Variants in AGAP1 observed in about 807,000 individuals in gnomAD.
The protein encoded by AGAP1 is ArfGAP with GTPase domain, ankyrin repeat and PH domain 1.
A neutral mutation model predicts 105.3 loss-of-function variants in AGAP1; 29 were observed. The observed-to-expected ratio is 0.28, with a 90% CI of 0.21 to 0.38. AGAP1 has a LOEUF of 0.38. AGAP1 is among the 10% of genes least tolerant of loss of function. The pLI, the probability that AGAP1 is intolerant of heterozygous loss-of-function variation, is 1.00. For synonymous variants in AGAP1, 509 were observed against 485.9 expected (o/e 1.05, Z -0.63); for missense variants, 998 against 1,165.1 (o/e 0.86, Z 2.09).
rs1356564237 is a variant in AGAP1, at chr2:235,517,565, T to C, written c.163+22716T>C. Among the ~76,000 whole-genome samples, 2 of 152,080 alleles carry C rather than the reference T, an allele frequency of 1.3e-5. No individual in the cohort carries two copies. The highest frequency in any genetic ancestry group is 4.8e-5 in the African/African-American group (2 of 41,406). On this transcript the variant is annotated intron_variant, in intron 1 of 17. Transcript: ENST00000304032. The surrounding 1 kb of genome is among the most constrained non-coding windows in gnomAD (Gnocchi z 4.1). ...AGATCCTCTTTACTTTGTAAAAAAA[T>C]GTAAAAGAACTTGTTTAGATCAAAG...
At chr2:235,641,188 A>C (rs1947177171) in intron 1 of AGAP1, among the ~76,000 whole-genome samples, 1 of 152,222 alleles carries the variant, frequency 6.6e-6, no homozygotes, top group Non-Finnish European at 1.5e-5. Context: ...TATCTGAAAC[A>C]ATGCATAATG....
intron 6 of AGAP1, among the ~76,000 whole-genome samples, chr2:235,759,439 G>A (rs1398443213): frequency 3.9e-5 from 6 of 152,206 alleles, no homozygotes; most frequent in South Asian, 2.1e-4. Flanking sequence ...AAAGTGCTGG[G>A]ATTACAGGCG....
intron 15 of AGAP1, among the ~76,000 whole-genome samples, chr2:236,041,678 C>A (rs2125682670): frequency 6.6e-6 from 1 of 152,288 alleles, no homozygotes; most frequent in South Asian, 2.1e-4. Flanking sequence ...GAAGGAAGTT[C>A]AGTTCAAACA....
intron 16 of AGAP1, among the ~76,000 whole-genome samples, chr2:236,060,749 G>A (rs185624277): frequency 4.5e-4 from 68 of 152,084 alleles, no homozygotes; most frequent in African/African-American, 1.6e-3. Context: ...AACAATAGAA[G>A]GTAGATTGTC....
In AGAP1 at chr2:235,715,868, C is replaced by T. The variant is rs531673218; in HGVS notation, c.223-1689C>T. On this transcript the variant is annotated intron_variant, in intron 2 of 17. Transcript: ENST00000304032. ...TCGGGGATGGCCTCCAGCTTTCTGGCTTGAGAGGCTGGGTGTGATGTGGCC... is the reference window on the plus strand; with the variant it reads ...TCGGGGATGGCCTCCAGCTTTCTGGTTTGAGAGGCTGGGTGTGATGTGGCC... 1.5e-3 allele frequency among the ~76,000 whole-genome samples: 225 copies of T among 152,216 alleles called. 1 individual carries two copies. Among genetic ancestry groups the T allele is most frequent in the African/African-American group, 4.8e-3 (198 of 41,542 alleles).
At chr2:236,019,319 G>T (rs2125593113) in intron 13 of AGAP1, among the ~76,000 whole-genome samples, 1 of 152,286 alleles carries the variant, frequency 6.6e-6, no homozygotes, top group East Asian at 1.9e-4. Context: ...GTCAGTCTAG[G>T]AGGCTGCACA....
chr2:235,862,328 A>T (rs1255088700), intron 9 of AGAP1, among the ~76,000 whole-genome samples: 2 of 152,248 alleles, frequency 1.3e-5, no homozygotes, highest in Admixed American at 6.5e-5. Context: ...TAGCAGTGGT[A>T]GCGGTCCTTG....
Position 235,792,155 on chromosome 2 carries a change from A to G in AGAP1, c.674-5604A>G, listed in dbSNP as rs1303673940. Among the ~76,000 whole-genome samples the G allele has an allele frequency of 6.6e-6, 1 of 152,078 alleles. No homozygotes were observed. Among genetic ancestry groups the G allele is most frequent in the Non-Finnish European group, 1.5e-5 (1 of 68,030 alleles). ...CTCCAGCTTTCCCAGTAGCAGAGGA[A>G]CCCTCTTCCCAAACGTGGGCTTGAT... On this transcript the variant is annotated intron_variant, in intron 6 of 17. Coordinates refer to ENST00000304032, the MANE Select transcript of AGAP1 (RefSeq NM_001037131.3). This position sits in a 1 kb window ranked among gnomAD's most constrained non-coding sequence, Gnocchi z 5.3.
intron 13 of AGAP1, among the ~76,000 whole-genome samples, chr2:236,021,532 TAACA>T (rs1352231547): frequency 3.3e-5 from 5 of 152,092 alleles, no homozygotes; most frequent in African/African-American, 1.2e-4. Context: ...TCAGGATGAG[TAACA>T]AACAGTTACC....
rs1052851059 is a variant in AGAP1, at chr2:235,719,593, A to G, written c.310+1949A>G. On this transcript the variant is annotated intron_variant, in intron 3 of 17. Coordinates refer to ENST00000304032, the MANE Select transcript of AGAP1 (RefSeq NM_001037131.3). The surrounding 1 kb of genome is among the most constrained non-coding windows in gnomAD (Gnocchi z 4.9). Reference sequence around the variant, plus strand: ...TATTGTGTATGGTTTTTAAAAATACATTATTTTTAAGAGTAGGAGCGTGGG... The same window carrying G: ...TATTGTGTATGGTTTTTAAAAATACGTTATTTTTAAGAGTAGGAGCGTGGG... 1.2e-4 allele frequency among the ~76,000 whole-genome samples: 19 copies of G among 152,254 alleles called. No individual in the cohort carries two copies. The highest frequency in any genetic ancestry group is 4.6e-4 in the African/African-American group (19 of 41,474).
rs2059032451 is a variant in AGAP1, at chr2:236,090,569, T to C, written c.2115-29623T>C. On this transcript the variant is annotated intron_variant, in intron 16 of 17. Coordinates refer to ENST00000304032, the MANE Select transcript of AGAP1 (RefSeq NM_001037131.3). This position sits in a 1 kb window ranked among gnomAD's most constrained non-coding sequence, Gnocchi z 4.3. ...GAGAGGCGGGGGTCGGAGGGAGGCC[T>C]TCCTCCTGCAGCGTGTTTCCAGTTG... Among the ~76,000 whole-genome samples, 1 of 152,134 alleles carries C rather than the reference T, an allele frequency of 6.6e-6. No individual in the cohort carries two copies. Among genetic ancestry groups the C allele is most frequent in the Non-Finnish European group, 1.5e-5 (1 of 68,028 alleles).
rs773578859 is a variant in AGAP1 at position 235,750,487 on chromosome 2, C to T, written c.672C>T (p.Asp224=). The part of the protein sequence containing the change: ...YGLNVERVFQ[D]VAQKIVATRK... Reference sequence around the variant, plus strand: ...TGAATGTGGAGAGGGTCTTCCAGGACGGTAAATGCGCGTGGCTGGGAGTTT... The same window carrying T: ...TGAATGTGGAGAGGGTCTTCCAGGATGGTAAATGCGCGTGGCTGGGAGTTT... Residue 224 remains aspartate, a splice_region_variant and synonymous_variant, in exon 6 of 18, where the codon GAC becomes GAT. Transcript: ENST00000304032. The surrounding 1 kb of genome is among the most constrained non-coding windows in gnomAD (Gnocchi z 5.3). 8 of 1,613,972 alleles carry T rather than the reference C, an allele frequency of 5.0e-6. No homozygotes were observed. Among genetic ancestry groups the T allele is most frequent in the African/African-American group, 2.7e-5 (2 of 74,912 alleles).
chr2:235,760,923 C>T (rs756590090), intron 6 of AGAP1, among the ~76,000 whole-genome samples: 18 of 152,178 alleles, frequency 1.2e-4, no homozygotes, highest in African/African-American at 2.2e-4. Flanking sequence ...CTCAGTCTAT[C>T]GCTTGATTTG....
At chr2:235,543,097 T>TCCCC (rs1165093900) in intron 1 of AGAP1, among the ~76,000 whole-genome samples, 7 of 66,670 alleles carry the variant, frequency 1.0e-4, no homozygotes, top group Admixed American at 3.6e-4. Flanking sequence ...CTCCTCCCCC[T>TCCCC]CCCCCCCCCC....
At chr2:235,624,353 C>G (rs541155835) in intron 1 of AGAP1, among the ~76,000 whole-genome samples, 37 of 152,300 alleles carry the variant, frequency 2.4e-4, no homozygotes, top group Admixed American at 7.2e-4. Context: ...ATCTGGATCT[C>G]TTTCCTCCGC....
chr2:235,957,275 G>A lies in AGAP1; in HGVS notation c.1484-11187G>A, dbSNP rs1325893566. Among the ~76,000 whole-genome samples, 1 of 152,206 alleles carries A rather than the reference G, an allele frequency of 6.6e-6. No homozygotes were observed. Among genetic ancestry groups the A allele is most frequent in the Non-Finnish European group, 1.5e-5 (1 of 68,038 alleles). Reference sequence around the variant, plus strand: ...TCCTACTGACTAGGCTTAATTTAGAGAGATCTCTGGGCGTAATTGAAAATG... The same window carrying A: ...TCCTACTGACTAGGCTTAATTTAGAAAGATCTCTGGGCGTAATTGAAAATG... On this transcript the variant is annotated intron_variant, in intron 12 of 17. Transcript: ENST00000304032. This position sits in a 1 kb window ranked among gnomAD's most constrained non-coding sequence, Gnocchi z 4.6.
intron 16 of AGAP1, among the ~76,000 whole-genome samples, chr2:236,099,369 G>C (rs1482157506): frequency 6.6e-6 from 1 of 151,588 alleles, no homozygotes; most frequent in Admixed American, 6.6e-5. Context: ...GCAGGAGAAT[G>C]GCATGAACCC....
rs1339757364 is a variant in AGAP1 at position 236,017,396 on chromosome 2, T to C, written c.1646-19165T>C. Among the ~76,000 whole-genome samples the C allele has an allele frequency of 3.9e-5, 6 of 152,218 alleles. No homozygotes were observed. In the South Asian group the frequency reaches 8.3e-4, roughly 21 times the overall value. On this transcript the variant is annotated intron_variant, in intron 13 of 17. Coordinates refer to ENST00000304032, the MANE Select transcript of AGAP1 (RefSeq NM_001037131.3). The stretch of plus-strand genomic sequence containing the variant: ...TTTTGATGTATGAAGTTATCACATA[T>C]TCACTGTCTATAAAGTGACCCTTCA...
intron 16 of AGAP1, among the ~76,000 whole-genome samples, chr2:236,065,274 G>T (rs577546767): frequency 3.9e-5 from 6 of 152,210 alleles, no homozygotes; most frequent in Non-Finnish European, 5.9e-5. Flanking sequence ...ACAGGGGCAC[G>T]TCCATTGGCT....
Sources: gnomAD v4.1 joint callset for allele counts (sites outside exome capture counted in the v4.1 genomes callset) on GRCh38, gnomAD v4.1.1 for gene constraint, Gnocchi (gnomAD v3.1) non-coding constraint, MANE v1.5 for transcripts, NCBI Gene and HGNC (gene_info 2026-07-23, HGNC 2026-07-21) for gene names.